The following MAPK10 variants were observed in gnomAD, a reference collection of about 807,000 sequenced individuals.
MAPK10 encodes mitogen-activated protein kinase 10.
MAPK10 carries 25 observed loss-of-function variants against 59.3 expected under a neutral mutation model. The observed-to-expected ratio is 0.42, with a 90% CI of 0.31 to 0.59. The LOEUF is 0.59. MAPK10 is among the 20% of genes least tolerant of loss of function. MAPK10 has a pLI of 0.15. For missense variants in MAPK10, 351 were observed against 568.9 expected, an observed-to-expected ratio of 0.62 and a Z score of 3.90; for synonymous variants, 190 against 200.5, an observed-to-expected ratio of 0.95 and a Z score of 0.44.
At chr4:86,409,611 C>G (rs1047837080) in intron 1 of MAPK10, among the ~76,000 whole-genome samples, 2 of 152,086 alleles carry the variant, frequency 1.3e-5, no homozygotes, top group African/African-American at 4.8e-5. Flanking sequence ...TGAAGAGGTC[C>G]TTCGCATCCC....
chr4:86,170,255 C>A (rs188292758), intron 3 of MAPK10, among the ~76,000 whole-genome samples: 3 of 152,198 alleles, frequency 2.0e-5, no homozygotes, highest in Non-Finnish European at 2.9e-5. Context: ...AATTAAAAGA[C>A]ACAGACTGGC....
At chr4:86,246,549 C>T (rs12510302) in intron 2 of MAPK10, among the ~76,000 whole-genome samples, 12,944 of 152,214 alleles carry the variant, frequency 0.085, 1,220 homozygotes, top group African/African-American at 0.23. Context: ...TTTAACACAA[C>T]GCCAATTTTG....
chr4:86,224,797 A>T (rs1407223343), intron 2 of MAPK10, among the ~76,000 whole-genome samples: 1 of 152,256 alleles, frequency 6.6e-6, no homozygotes, highest in Non-Finnish European at 1.5e-5. Context: ...ATAAGGTCAG[A>T]GAATCTCATC....
intron 1 of MAPK10, among the ~76,000 whole-genome samples, chr4:86,563,992 C>G (rs538036640): frequency 1.2e-4 from 19 of 152,148 alleles, no homozygotes; most frequent in African/African-American, 4.3e-4. Context: ...CCACCACACC[C>G]GGCTAATTTT....
rs529821228 is a variant in MAPK10 at position 86,549,155 on chromosome 4, C to T, written c.-263+44755G>A. 2.6e-5 allele frequency among the ~76,000 whole-genome samples: 4 copies of T among 151,918 alleles called. No individual in the cohort carries two copies. In the East Asian group the frequency reaches 7.7e-4, roughly 29 times the overall value. On this transcript the variant is annotated intron_variant, in intron 1 of 4. Transcript: ENST00000502302. Reference sequence around the variant, plus strand: ...TAAAAATAAAAACTGTAATTTTAACCATATCTTATCATCGTGATAGAAATT... The same window carrying T: ...TAAAAATAAAAACTGTAATTTTAACTATATCTTATCATCGTGATAGAAATT...
At chr4:86,262,621 G>T (rs571396459) in intron 2 of MAPK10, among the ~76,000 whole-genome samples, 14 of 152,276 alleles carry the variant, frequency 9.2e-5, no homozygotes, top group African/African-American at 3.4e-4. Context: ...TAGAACTGAA[G>T]AATGTTTTGT....
chr4:86,082,251 T>C (rs2050816841), intron 9 of MAPK10: 2 of 152,152 alleles, frequency 1.3e-5, no homozygotes, highest in South Asian at 4.1e-4. Context: ...TTTGAAAGTA[T>C]TGGTAATGGT....
In MAPK10 at chr4:86,141,676, T is replaced by C. The variant is rs78935721; in HGVS notation, c.236+17622A>G. 2.3e-3 allele frequency among the ~76,000 whole-genome samples: 350 copies of C among 152,298 alleles called. 10 individuals are homozygous for C. The East Asian group carries it at 0.056, about 25-fold the overall frequency. On this transcript the variant is annotated intron_variant, in intron 4 of 13. Coordinates refer to ENST00000641462, the MANE Select transcript of MAPK10 (RefSeq NM_138982.4). Reference sequence around the variant, plus strand: ...GAATTTATTGATAGAGAATACACTTTTAAAAATACACATTGAGCAAATGTA... The same window carrying C: ...GAATTTATTGATAGAGAATACACTTCTAAAAATACACATTGAGCAAATGTA...
chr4:86,117,656 C>T (rs1580560573), intron 4 of MAPK10: 1 of 152,192 alleles, frequency 6.6e-6, no homozygotes, highest in African/African-American at 2.4e-5. Flanking sequence ...GCAGATGCAC[C>T]TATGAGCGAT....
chr4:86,183,768 T>C (rs1396051426), intron 3 of MAPK10, among the ~76,000 whole-genome samples: 1 of 152,142 alleles, frequency 6.6e-6, no homozygotes, highest in African/African-American at 2.4e-5. Context: ...AGTGTAAAAG[T>C]GTTCCTATTT....
At chr4:86,208,215 G>C (rs990272540) in intron 2 of MAPK10, among the ~76,000 whole-genome samples, 2 of 151,890 alleles carry the variant, frequency 1.3e-5, no homozygotes, top group African/African-American at 4.8e-5. Flanking sequence ...TAGAAAAAGA[G>C]GGAATCCTCC....
At chr4:86,582,092 T>G (rs1208152370) in intron 1 of MAPK10, among the ~76,000 whole-genome samples, 1 of 151,504 alleles carries the variant, frequency 6.6e-6, no homozygotes, top group Non-Finnish European at 1.5e-5. Context: ...ACAGGCTTTT[T>G]TCTTTGTCTT....
In MAPK10 at chr4:86,501,573, G is replaced by A. The variant is rs185195128; in HGVS notation, c.-263+92337C>T. On this transcript the variant is annotated intron_variant, in intron 1 of 4. Coordinates refer to the MAPK10 transcript ENST00000502302. ...GGTTCGCTTTTTTATAATTAGTTGG[G>A]TTAAACCCATAATATCCATCTATAA... Among the ~76,000 whole-genome samples, 16 of 151,996 alleles carry A rather than the reference G, an allele frequency of 1.1e-4. No individual in the cohort carries two copies. In the East Asian group the frequency reaches 3.1e-3, roughly 29 times the overall value.
chr4:86,196,123 A>G (rs2081253687), intron 2 of MAPK10, among the ~76,000 whole-genome samples: 1 of 152,202 alleles, frequency 6.6e-6, no homozygotes, highest in Non-Finnish European at 1.5e-5. Context: ...TTCTGGTTCT[A>G]GATCCTTGAG....
At chr4:86,538,979 A>C (rs1758462982) in intron 1 of MAPK10, among the ~76,000 whole-genome samples, 1 of 152,222 alleles carries the variant, frequency 6.6e-6, no homozygotes, top group Admixed American at 6.5e-5. Context: ...TCAAATTAAA[A>C]ATCTTTTTTT....
At chr4:86,458,869 G>A (rs925273174) in intron 1 of MAPK10, among the ~76,000 whole-genome samples, 5 of 152,186 alleles carry the variant, frequency 3.3e-5, no homozygotes, top group Non-Finnish European at 5.9e-5. Context: ...AAGATTTCAT[G>A]ACCACGAACC....
intron 2 of MAPK10, among the ~76,000 whole-genome samples, chr4:86,293,393 T>A (rs939041296): frequency 6.6e-5 from 10 of 152,214 alleles, no homozygotes; most frequent in African/African-American, 2.4e-4. Context: ...TCTGCTGGGT[T>A]GAAATCGGAG....
At chr4:86,440,962 A>C (rs1749344318) in intron 1 of MAPK10, among the ~76,000 whole-genome samples, 1 of 152,244 alleles carries the variant, frequency 6.6e-6, no homozygotes, top group Admixed American at 6.5e-5. Flanking sequence ...GGAGGAATAC[A>C]AGCAAAGCAT....
intron 11 of MAPK10, among the ~76,000 whole-genome samples, chr4:86,045,951 G>A (rs1308781064): frequency 6.6e-6 from 1 of 151,556 alleles, no homozygotes; most frequent in East Asian, 2.0e-4. Context: ...TGTACAATAA[G>A]CTTAAAATTT....
Sources: gnomAD v4.1 joint callset for allele counts (sites outside exome capture counted in the v4.1 genomes callset) on GRCh38, gnomAD v4.1.1 for gene constraint, MANE v1.5 for transcripts, NCBI Gene and HGNC (gene_info 2026-07-23, HGNC 2026-07-21) for gene names.